The following LPL variants were observed in gnomAD, a reference collection of about 807,000 sequenced individuals.
LPL encodes the protein lipoprotein lipase, also known as phospholipase A1.
In LPL, 43 loss-of-function variants were observed where a neutral mutation model predicts 52.2. The ratio of observed to expected loss-of-function variants is 0.82; its 90% confidence interval spans 0.64 to 1.06. LPL has a LOEUF of 1.06. Among genes scored for constraint, LPL ranks in the 50% least tolerant of loss-of-function variants. LPL has a pLI of 0.00. For missense variants in LPL, 639 were observed against 585.3 expected (o/e 1.09, Z -0.95); for synonymous variants, 244 against 215.6 (o/e 1.13, Z -1.15).
At chr8:19,956,334 T>C (rs2128838640) in intron 6 of LPL, among the ~76,000 whole-genome samples, 1 of 152,314 alleles carries the variant, frequency 6.6e-6, no homozygotes, top group Non-Finnish European at 1.5e-5. Flanking sequence ...CCCCTGTAAA[T>C]GTGGCCATTA....
chr8:19,943,690 T>C (rs932825491), intron 1 of LPL, among the ~76,000 whole-genome samples: 7 of 152,130 alleles, frequency 4.6e-5, no homozygotes, highest in African/African-American at 1.4e-4. Flanking sequence ...GTCCACAAGA[T>C]CTCCTTAAAT....
At chr8:19,959,961 G>A (rs1414707031) in intron 7 of LPL, among the ~76,000 whole-genome samples, 2 of 151,274 alleles carry the variant, frequency 1.3e-5, no homozygotes, top group African/African-American at 4.9e-5. Context: ...GCTAATTTTT[G>A]TATTTTTAGT....
intron 6 of LPL, among the ~76,000 whole-genome samples, chr8:19,958,149 A>G (rs1052174611): frequency 6.6e-6 from 1 of 151,724 alleles, no homozygotes; most frequent in Non-Finnish European, 1.5e-5. Context: ...CTCCTGAGTA[A>G]CTGGGATTAC....
Position 19,954,120 on chromosome 8 carries a change from G to A in LPL, c.542G>A (p.Gly181Asp), listed in dbSNP as rs191402029. ...LTNKKVNRIT[G>D]LDPAGPNFEY... is the part of the protein sequence containing the mutation. Reference sequence around the variant, plus strand: ...TGTTCCTGCTTTTTTCCCTTTTAAGGCCTCGATCCAGCTGGACCTAACTTT... The same window carrying A: ...TGTTCCTGCTTTTTTCCCTTTTAAGACCTCGATCCAGCTGGACCTAACTTT... The change falls in exon 5 of 10, where the codon GGC becomes GAC. Residue 181 changes from glycine to aspartate, a missense_variant and splice_region_variant. Gly to Asp is a moderately conservative substitution (Grantham distance 94, BLOSUM62 -1). Transcript: ENST00000650287. 3.1e-6 allele frequency: 5 copies of A among 1,611,832 alleles called. No individual in the cohort carries two copies. The highest frequency in any genetic ancestry group is 1.7e-5 in the Admixed American group (1 of 60,008).
intron 9 of LPL, among the ~76,000 whole-genome samples, chr8:19,963,137 A>C (rs1039154142): frequency 6.6e-6 from 1 of 152,238 alleles, no homozygotes; most frequent in Non-Finnish European, 1.5e-5. Context: ...CCTAGTTTGC[A>C]TTTGGGACAA....
intron 1 of LPL, among the ~76,000 whole-genome samples, chr8:19,941,181 G>C (rs1318280749): frequency 1.3e-5 from 2 of 152,198 alleles, no homozygotes; most frequent in African/African-American, 2.4e-5. Context: ...TATTGGATCA[G>C]TTTGAAAACA....
In LPL at chr8:19,939,356, G is replaced by C; in HGVS notation, c.-85G>C. ...GGCGACTTGCTCAGCGCCAAACCGCGGCTCCAGCCCTCTCCAGCCTCCGGC... is the reference window on the plus strand; with the variant it reads ...GGCGACTTGCTCAGCGCCAAACCGCCGCTCCAGCCCTCTCCAGCCTCCGGC... On this transcript the variant is annotated 5_prime_UTR_variant, in exon 1 of 10. Transcript: ENST00000650287. The surrounding 1 kb of genome is among the most constrained non-coding windows in gnomAD (Gnocchi z 4.0). 7.4e-7 allele frequency: 1 copy of C among 1,358,192 alleles called. No individual in the cohort carries two copies. The highest frequency in any genetic ancestry group is 2.0e-5 in the Admixed American group (1 of 50,534). The allele number at this position is 1,358,192 out of a possible 1,614,324, so 84.1% of individuals were successfully genotyped here. A position where few individuals can be genotyped will look rare whatever the true frequency, so the allele number is the denominator to read the frequency against.
In LPL at chr8:19,965,452, T is replaced by C. The variant is rs1000834483; in HGVS notation, c.*142T>C. 1.7e-5 allele frequency: 11 copies of C among 663,032 alleles called. No individual in the cohort carries two copies. Among genetic ancestry groups the C allele is most frequent in the African/African-American group, 1.4e-4 (8 of 55,580 alleles). 41.1% of individuals were successfully genotyped at this position (663,032 alleles called of 1,614,324 possible). On this transcript the variant is annotated 3_prime_UTR_variant, in exon 10 of 10. Coordinates refer to ENST00000650287, the MANE Select transcript of LPL (RefSeq NM_000237.3). ...CTGAATATTAATCCCAGCCCTACCC[T>C]TGTTAGTTATTTTAGGAGACAGTCT...
At chr8:19,952,367 T>C (rs1407543341) in intron 3 of LPL, among the ~76,000 whole-genome samples, 3 of 152,144 alleles carry the variant, frequency 2.0e-5, no homozygotes, top group Non-Finnish European at 2.9e-5. Flanking sequence ...TATTCTTTAG[T>C]GTGAAATAGG....
intron 9 of LPL, among the ~76,000 whole-genome samples, chr8:19,963,211 G>A (rs368801760): frequency 1.3e-5 from 2 of 152,194 alleles, no homozygotes; most frequent in South Asian, 2.1e-4. Flanking sequence ...TGAGGCAGGT[G>A]GATCACCTGA....
chr8:19,948,050 CG>C (rs1401038771), intron 1 of LPL, 129 bp from the exon 2 acceptor site: 1 of 905,490 alleles, frequency 1.1e-6, no homozygotes, highest in Non-Finnish European at 1.8e-6. Context: ...AATCCACATT[CG>C]TTTTCGAAAA....
chr8:19,941,193 T>C (rs1178646259), intron 1 of LPL, among the ~76,000 whole-genome samples: 2 of 152,198 alleles, frequency 1.3e-5, no homozygotes, highest in Non-Finnish European at 2.9e-5. Context: ...TTGAAAACAC[T>C]GGAGAGTTGA....
intron 6 of LPL, among the ~76,000 whole-genome samples, chr8:19,958,258 G>A (rs290): frequency 0.036 from 5,471 of 152,142 alleles, 338 homozygotes; most frequent in African/African-American, 0.12. Context: ...CTGACCTCAG[G>A]TGATTCACCC....
intron 9 of LPL, among the ~76,000 whole-genome samples, chr8:19,963,054 A>C (rs746896975): frequency 1.3e-5 from 2 of 152,276 alleles, no homozygotes; most frequent in Non-Finnish European, 2.9e-5. Flanking sequence ...CAGTGACACA[A>C]GAAATGAAGG....
chr8:19,951,550 G>T (rs954918943), intron 2 of LPL: 1 of 624,098 alleles, frequency 1.6e-6, no homozygotes, highest in Non-Finnish European at 2.9e-6. Flanking sequence ...CCAATCTGCC[G>T]TTCCTCAACT....
intron 2 of LPL, among the ~76,000 whole-genome samples, chr8:19,951,525 G>T (rs1238744149): frequency 6.6e-6 from 1 of 152,100 alleles, no homozygotes; most frequent in Non-Finnish European, 1.5e-5. Flanking sequence ...TTTTAAATGG[G>T]AAGCATGGTG....
Position 19,955,964 on chromosome 8 carries a change from G to C in LPL, c.899G>C (p.Gly300Ala), listed in dbSNP as rs1297458227. 6.2e-7 allele frequency: 1 copy of C among 1,614,010 alleles called. No homozygotes were observed. Among genetic ancestry groups the C allele is most frequent in the African/African-American group, 1.3e-5 (1 of 74,910 alleles). ...AGTTCCAAGGAAGCCTTTGAGAAAG[G>C]GCTCTGCTTGAGTTGTAGAAAGAAC... ...RCSSKEAFEKGLCLSCRKNRC... is the reference protein window; with the variant it reads ...RCSSKEAFEKALCLSCRKNRC... Residue 300 changes from glycine to alanine, a missense_variant, in exon 6 of 10, where the codon GGG (glycine) becomes GCG (alanine). By Grantham distance (60) the Gly-to-Ala change is moderately conservative (BLOSUM62 0). Transcript: ENST00000650287.
Position 19,965,610 on chromosome 8 carries a change from G to A in LPL, c.*300G>A. ...AGAAAGAAATAATTGTTTGAGCGCA[G>A]AGTAAAATAAGGCTCCTTCATGTGG... On this transcript the variant is annotated 3_prime_UTR_variant, in exon 10 of 10. Coordinates refer to ENST00000650287, the MANE Select transcript of LPL (RefSeq NM_000237.3). The A allele has an allele frequency of 2.7e-6, 1 of 367,708 alleles. No individual in the cohort carries two copies. The highest frequency in any genetic ancestry group is 4.9e-6 in the Non-Finnish European group (1 of 202,928). The allele number at this position is 367,708 out of a possible 1,614,324, so 22.8% of individuals were successfully genotyped here.
At position 19,948,066 on chromosome 8, in the gene LPL, T is replaced by G. The variant is rs2069898688; in HGVS notation, c.89-114T>G. ...ATCCACATTCGTTTTCGAAAACACT[T>G]CAGAAACAAAAATAGCATCAGCGGT... On this transcript the variant is annotated intron_variant, in intron 1 of 9. Transcript: ENST00000650287. 1.4e-5 allele frequency: 17 copies of G among 1,181,494 alleles called. No individual in the cohort carries two copies. The South Asian group carries it at 2.1e-4, about 15-fold the overall frequency. 73.2% of individuals were successfully genotyped at this position (1,181,494 alleles called of 1,614,324 possible).
Sources: gnomAD v4.1 joint callset for allele counts (sites outside exome capture counted in the v4.1 genomes callset) on GRCh38, gnomAD v4.1.1 for gene constraint, Gnocchi (gnomAD v3.1) non-coding constraint, MANE v1.5 for transcripts, NCBI Gene and HGNC (gene_info 2026-07-23, HGNC 2026-07-21) for gene names.